The following SCHIP1 variants were observed in gnomAD, a reference collection of about 807,000 sequenced individuals.
SCHIP1 encodes schwannomin interacting protein 1.
In SCHIP1, 8 loss-of-function variants were observed where a neutral mutation model predicts 29.7. The observed-to-expected ratio is 0.27, with a 90% CI of 0.16 to 0.49. SCHIP1 has a LOEUF of 0.49. Among genes scored for constraint, SCHIP1 ranks in the 20% least tolerant of loss-of-function variants. SCHIP1 has a pLI of 0.99. For synonymous variants in SCHIP1, 76 were observed against 94.9 expected (o/e 0.80, Z 1.16); for missense variants, 193 against 294.6 (o/e 0.66, Z 2.52).
At chr3:159,789,008 C>T in the SCHIP1 span, among the ~76,000 whole-genome samples, 4 of 152,140 alleles carry the variant, frequency 2.6e-5, no homozygotes, top group East Asian at 7.7e-4. Context: ...AAGCATAATG[C>T]AAATATTCCA....
the SCHIP1 span, among the ~76,000 whole-genome samples, chr3:159,559,374 A>G: frequency 6.6e-6 from 1 of 152,220 alleles, no homozygotes; most frequent in African/African-American, 2.4e-5. Context: ...AAAATTTTAA[A>G]CATACAACAT....
At chr3:159,338,260 C>G in the SCHIP1 span, among the ~76,000 whole-genome samples, 26 of 152,076 alleles carry the variant, frequency 1.7e-4, no homozygotes, top group African/African-American at 6.0e-4. Flanking sequence ...AGGTTACAAC[C>G]TTAAATAGTG....
chr3:159,467,291 C>T, the SCHIP1 span, among the ~76,000 whole-genome samples: 1 of 151,976 alleles, frequency 6.6e-6, no homozygotes, highest in Non-Finnish European at 1.5e-5. Flanking sequence ...TTAGTTGTTT[C>T]CAGTTTTTTT....
chr3:159,560,883 C>A, the SCHIP1 span, among the ~76,000 whole-genome samples: 2 of 152,148 alleles, frequency 1.3e-5, no homozygotes, highest in Admixed American at 6.5e-5. Flanking sequence ...GACAGCTCTG[C>A]GATGGTGTGT....
the SCHIP1 span, among the ~76,000 whole-genome samples, chr3:159,449,406 C>T: frequency 3.3e-3 from 495 of 152,226 alleles, 2 homozygotes; most frequent in African/African-American, 0.012. Context: ...TTTATTAAAG[C>T]ACTATTAAAG....
chr3:159,431,849 T>G, the SCHIP1 span, among the ~76,000 whole-genome samples: 1 of 152,040 alleles, frequency 6.6e-6, no homozygotes, highest in Non-Finnish European at 1.5e-5. Context: ...GATTTTCTTA[T>G]TTATCATTCA....
chr3:159,802,458 T>C, the SCHIP1 span, among the ~76,000 whole-genome samples: 3 of 152,240 alleles, frequency 2.0e-5, no homozygotes, highest in Admixed American at 6.5e-5. Flanking sequence ...TTCATAAAAT[T>C]GCCAGCTACA....
chr3:159,351,598 G>C, the SCHIP1 span, among the ~76,000 whole-genome samples: 1 of 151,646 alleles, frequency 6.6e-6, no homozygotes, highest in Non-Finnish European at 1.5e-5. Flanking sequence ...TTTTATTTTA[G>C]TGCTGCTTCT....
At chr3:159,571,743 A>C in the SCHIP1 span, among the ~76,000 whole-genome samples, 237 of 152,254 alleles carry the variant, frequency 1.6e-3, no homozygotes, top group African/African-American at 5.4e-3. Flanking sequence ...TCGGCTGTGA[A>C]TCTGTCTGGT....
the SCHIP1 span, among the ~76,000 whole-genome samples, chr3:159,495,008 C>T: frequency 1.3e-5 from 2 of 152,220 alleles, no homozygotes; most frequent in African/African-American, 2.4e-5. Flanking sequence ...ACAAAAACCA[C>T]ATGATTATCT....
chr3:159,605,248 A>T, the SCHIP1 span, among the ~76,000 whole-genome samples: 1 of 152,236 alleles, frequency 6.6e-6, no homozygotes, highest in African/African-American at 2.4e-5. Context: ...CTTTTTGACA[A>T]GAATGTTAAT....
the SCHIP1 span, among the ~76,000 whole-genome samples, chr3:159,323,620 T>C: frequency 6.6e-6 from 1 of 152,242 alleles, no homozygotes; most frequent in Non-Finnish European, 1.5e-5. Flanking sequence ...AATGCTGTAA[T>C]GAATATCTTT....
the SCHIP1 span, among the ~76,000 whole-genome samples, chr3:159,716,253 C>G: frequency 3.9e-4 from 59 of 152,260 alleles, no homozygotes; most frequent in Middle Eastern, 6.8e-3. Context: ...GAAGGAAGCA[C>G]TAAACATGGA....
chr3:159,385,718 T>C, the SCHIP1 span, among the ~76,000 whole-genome samples: 1 of 152,160 alleles, frequency 6.6e-6, no homozygotes, highest in East Asian at 1.9e-4. Flanking sequence ...ATTTTTAAAA[T>C]TATACTTTAA....
the SCHIP1 span, among the ~76,000 whole-genome samples, chr3:159,820,644 A>G: frequency 2.0e-5 from 3 of 152,212 alleles, no homozygotes; most frequent in Non-Finnish European, 4.4e-5. Flanking sequence ...GAGTGTTAGG[A>G]GGTCAGGGTT....
At chr3:159,388,195 G>A in the SCHIP1 span, among the ~76,000 whole-genome samples, 1 of 151,892 alleles carries the variant, frequency 6.6e-6, no homozygotes, top group Non-Finnish European at 1.5e-5. Context: ...AACTCTACCT[G>A]GAATATCTAA....
At chr3:159,590,340 C>T in the SCHIP1 span, among the ~76,000 whole-genome samples, 182 of 152,210 alleles carry the variant, frequency 1.2e-3, no homozygotes, top group African/African-American at 4.1e-3. Context: ...CTTTCAGAGG[C>T]GAAGGTGGGA....
chr3:159,785,952 C>T, the SCHIP1 span, among the ~76,000 whole-genome samples: 1 of 152,142 alleles, frequency 6.6e-6, no homozygotes, highest in Non-Finnish European at 1.5e-5. Flanking sequence ...AATTTTAAAA[C>T]ATCTTATTTT....
At chr3:159,617,927 TC>T in the SCHIP1 span, among the ~76,000 whole-genome samples, 1 of 152,110 alleles carries the variant, frequency 6.6e-6, no homozygotes, top group Admixed American at 6.5e-5. Flanking sequence ...AGTTCACCCT[TC>T]CCCTTACCTT....
Sources: allele counts gnomAD v4.1 joint callset (sites outside exome capture counted in the v4.1 genomes callset), GRCh38; gene constraint gnomAD v4.1.1; transcripts MANE v1.5; gene names NCBI Gene and HGNC (gene_info 2026-07-23, HGNC 2026-07-21).